AGAP1: variants seen among roughly 807,000 people sequenced by gnomAD.
The protein encoded by AGAP1 is arf-GAP with GTPase, ANK repeat and PH domain-containing protein 1.
AGAP1 carries 29 observed loss-of-function variants against 105.3 expected under a neutral mutation model. The ratio of observed to expected loss-of-function variants is 0.28; its 90% CI spans 0.21 to 0.38. The LOEUF (loss-of-function observed/expected upper bound fraction) is 0.38, where lower values mean the gene tolerates loss of function less well. Ranked by LOEUF, AGAP1 falls within the 10% of genes least tolerant of loss-of-function variation. The probability of loss-of-function intolerance (pLI) is 1.00; values close to 1 mark genes in which losing one functional copy is unlikely to be tolerated. For missense variants in AGAP1, 998 were observed against 1,165.1 expected, an observed-to-expected ratio of 0.86 and a Z score of 2.09; for synonymous variants, 509 against 485.9, an observed-to-expected ratio of 1.05 and a Z score of -0.63.
intron 12 of AGAP1, among the ~76,000 whole-genome samples, chr2:235,950,474 C>G (rs1305316999): frequency 6.6e-6 from 1 of 151,748 alleles, no homozygotes; most frequent in Non-Finnish European, 1.5e-5. Context: ...GGATGTACTC[C>G]TGAGGTTTGG....
rs928973682 is a variant in AGAP1, at chr2:235,696,569, G to A, written c.164-12610G>A. On this transcript the variant is annotated intron_variant, in intron 1 of 17. Transcript: ENST00000304032. ...GAGAGATGGTCCGTGTGGGTCAGCCGGCTCAACAGACCTTCTCCCAGGAGG... is the reference window on the plus strand; with the variant it reads ...GAGAGATGGTCCGTGTGGGTCAGCCAGCTCAACAGACCTTCTCCCAGGAGG... 2.6e-5 allele frequency among the ~76,000 whole-genome samples: 4 copies of A among 152,182 alleles called. No homozygotes were observed. In the South Asian group the frequency reaches 8.3e-4, roughly 32 times the overall value.
At chr2:235,969,318 A>G (rs1013891555) in intron 13 of AGAP1, among the ~76,000 whole-genome samples, 5 of 150,616 alleles carry the variant, frequency 3.3e-5, no homozygotes, top group African/African-American at 9.7e-5. Flanking sequence ...ACACACACAC[A>G]TACACACACA....
intron 11 of AGAP1, among the ~76,000 whole-genome samples, chr2:235,910,639 C>T (rs1416699955): frequency 2.0e-5 from 3 of 152,128 alleles, no homozygotes; most frequent in South Asian, 2.1e-4. Flanking sequence ...ATCTATAGGC[C>T]AGGTGCAGTG....
At chr2:236,111,681 A>G (rs1035695497) in intron 16 of AGAP1, among the ~76,000 whole-genome samples, 5 of 151,892 alleles carry the variant, frequency 3.3e-5, no homozygotes, top group African/African-American at 9.7e-5. Context: ...ATTCCAAGCT[A>G]CTTGGGAGGC....
intron 9 of AGAP1, chr2:235,853,205 G>A (rs551446100): frequency 4.1e-4 from 426 of 1,041,640 alleles, no homozygotes; most frequent in Non-Finnish European, 4.6e-4. Flanking sequence ...AAGATTGAGC[G>A]GATCTGTCTT....
intron 11 of AGAP1, among the ~76,000 whole-genome samples, chr2:235,921,691 TA>T (rs1324007624): frequency 3.3e-5 from 5 of 152,204 alleles, no homozygotes; most frequent in Admixed American, 3.3e-4. Flanking sequence ...GAAAATCTCT[TA>T]ACTAAACAAA....
intron 16 of AGAP1, among the ~76,000 whole-genome samples, chr2:236,102,417 CAAAAAAAAAAA>C (rs34989933): frequency 1.5e-5 from 1 of 66,242 alleles, no homozygotes; most frequent in Non-Finnish European, 2.8e-5. Context: ...GACTCCATCT[CAAAAAAAAAAA>C]AAAAAAAAAG....
intron 16 of AGAP1, among the ~76,000 whole-genome samples, chr2:236,067,274 A>G (rs1424434354): frequency 6.6e-6 from 1 of 152,178 alleles, no homozygotes; most frequent in African/African-American, 2.4e-5. Flanking sequence ...TCAAGAATTA[A>G]ATGAACAATA....
chr2:235,564,100 C>T (rs1944259703), intron 1 of AGAP1, among the ~76,000 whole-genome samples: 1 of 152,180 alleles, frequency 6.6e-6, no homozygotes, highest in Non-Finnish European at 1.5e-5. Flanking sequence ...TTACAATTAG[C>T]TTTTGTCAAT....
chr2:235,580,473 G>A lies in AGAP1; in HGVS notation c.163+85624G>A, dbSNP rs559448895. On this transcript the variant is annotated intron_variant, in intron 1 of 17. Coordinates refer to ENST00000304032, the MANE Select transcript of AGAP1 (RefSeq NM_001037131.3). ...TGGAGGCAGTGGGGGAGGGAGGGTT[G>A]GGGAGGGTGCGCTTTCTACTCCACC... 7.9e-5 allele frequency among the ~76,000 whole-genome samples: 12 copies of A among 152,040 alleles called. No individual in the cohort carries two copies. The South Asian group carries it at 2.5e-3, about 32-fold the overall frequency.
At chr2:236,099,404 G>A (rs759015299) in intron 16 of AGAP1, among the ~76,000 whole-genome samples, 4 of 150,648 alleles carry the variant, frequency 2.7e-5, no homozygotes, top group East Asian at 2.0e-4. Context: ...GCGGTGAGCC[G>A]AGATCACACC....
At chr2:235,782,070 C>G (rs747899872) in intron 6 of AGAP1, among the ~76,000 whole-genome samples, 1 of 152,184 alleles carries the variant, frequency 6.6e-6, no homozygotes, top group Non-Finnish European at 1.5e-5. Flanking sequence ...AGGACTAACT[C>G]TTCATTTCAG....
intron 1 of AGAP1, among the ~76,000 whole-genome samples, chr2:235,696,994 A>T (rs1467496279): frequency 6.6e-6 from 1 of 152,094 alleles, no homozygotes; most frequent in Non-Finnish European, 1.5e-5. Flanking sequence ...TCAAAAAAAA[A>T]AAGAGAAGTA....
At chr2:235,687,936 C>A (rs1176570495) in intron 1 of AGAP1, among the ~76,000 whole-genome samples, 1 of 124,530 alleles carries the variant, frequency 8.0e-6, no homozygotes, top group African/African-American at 3.0e-5. Flanking sequence ...GAGTCTCACT[C>A]TGTCACCCAG....
chr2:235,669,177 C>T (rs1948231137), intron 1 of AGAP1, among the ~76,000 whole-genome samples: 1 of 152,124 alleles, frequency 6.6e-6, no homozygotes, highest in South Asian at 2.1e-4. Flanking sequence ...CATTGGTGTA[C>T]ACAGCACCCT....
At position 235,714,040 on chromosome 2, in the gene AGAP1, G is replaced by T. The variant is rs1195545936; in HGVS notation, c.223-3517G>T. 1.3e-5 allele frequency among the ~76,000 whole-genome samples: 2 copies of T among 152,094 alleles called. No homozygotes were observed. Among genetic ancestry groups the T allele is most frequent in the Non-Finnish European group, 2.9e-5 (2 of 68,018 alleles). On this transcript the variant is annotated intron_variant, in intron 2 of 17. Coordinates refer to ENST00000304032, the MANE Select transcript of AGAP1 (RefSeq NM_001037131.3). The surrounding 1 kb of genome is among the most constrained non-coding windows in gnomAD (Gnocchi z 4.1). Reference sequence around the variant, plus strand: ...TTTTGTTTTTATTTTTTGAGACAGAGTCTCACTCTGTCGCCCAGGCTGGAG... The same window carrying T: ...TTTTGTTTTTATTTTTTGAGACAGATTCTCACTCTGTCGCCCAGGCTGGAG...
intron 1 of AGAP1, among the ~76,000 whole-genome samples, chr2:235,607,188 C>CG (rs1490473051): frequency 6.6e-6 from 1 of 151,828 alleles, no homozygotes; most frequent in Non-Finnish European, 1.5e-5. Flanking sequence ...AATCCAGAGC[C>CG]CCCCCTTCCC....
rs994529451 is a variant in AGAP1 at position 235,609,236 on chromosome 2, A to T, written c.164-99943A>T. The stretch of plus-strand genomic sequence containing the variant: ...TTCTTGATCACTGATGATGACCGTA[A>T]ACAAGCTGTGGGAACATAAGGAAAA... On this transcript the variant is annotated intron_variant, in intron 1 of 17. Coordinates refer to ENST00000304032, the MANE Select transcript of AGAP1 (RefSeq NM_001037131.3). The surrounding 1 kb of genome is among the most constrained non-coding windows in gnomAD (Gnocchi z 5.1). 1.3e-5 allele frequency among the ~76,000 whole-genome samples: 2 copies of T among 152,148 alleles called. No homozygotes were observed. Among genetic ancestry groups the T allele is most frequent in the Non-Finnish European group, 2.9e-5 (2 of 68,032 alleles).
rs1367557109 is a variant in AGAP1 at position 235,935,423 on chromosome 2, T to TC, written c.1483+4503dup. Among the ~76,000 whole-genome samples, 11 of 152,346 alleles carry TC rather than the reference T, an allele frequency of 7.2e-5. No individual in the cohort carries two copies. The East Asian group carries it at 1.9e-3, about 27-fold the overall frequency. On this transcript the variant is annotated intron_variant, in intron 12 of 17. Transcript: ENST00000304032. Reference sequence around the variant, plus strand: ...GAAAAATTAATTTTTTTACATTTTTTCCCACTCTTCTAAGTGTTTGACAGA... The same window carrying TC: ...GAAAAATTAATTTTTTTACATTTTTTCCCCACTCTTCTAAGTGTTTGACAGA...
Sources: allele counts gnomAD v4.1 joint callset (sites outside exome capture counted in the v4.1 genomes callset), GRCh38; gene constraint gnomAD v4.1.1; non-coding constraint Gnocchi (gnomAD v3.1); transcripts MANE v1.5; gene names NCBI Gene and HGNC (gene_info 2026-07-23, HGNC 2026-07-21).